Variants in UGCG observed in about 807,000 individuals in gnomAD.
UGCG encodes ceramide glucosyltransferase.
In UGCG, 10 loss-of-function variants were observed where a neutral mutation model predicts 49.5. That is an observed-to-expected ratio of 0.20 (90% CI 0.12 to 0.34). The LOEUF is 0.34. UGCG is among the 10% of genes least tolerant of loss of function. UGCG has a pLI of 1.00. For missense variants in UGCG, 312 were observed against 483.7 expected (o/e 0.65, Z 3.33); for synonymous variants, 182 against 158.2 (o/e 1.15, Z -1.13).
At chr9:111,927,513 G>A (rs1202692353) in intron 5 of UGCG, among the ~76,000 whole-genome samples, 2 of 151,392 alleles carry the variant, frequency 1.3e-5, no homozygotes, top group African/African-American at 2.4e-5. Flanking sequence ...GTGCAGTGGC[G>A]CGATCTCGGC....
At chr9:111,897,773 G>A (rs1250259264) in intron 1 of UGCG, among the ~76,000 whole-genome samples, 1 of 151,662 alleles carries the variant, frequency 6.6e-6, no homozygotes, top group Non-Finnish European at 1.5e-5. Flanking sequence ...TTCCTGGAAG[G>A]GCTCTATGCG....
chr9:111,899,285 G>GT (rs1333570556), intron 1 of UGCG, among the ~76,000 whole-genome samples: 1 of 152,216 alleles, frequency 6.6e-6, no homozygotes, highest in Non-Finnish European at 1.5e-5. Context: ...GAAATGTTAT[G>GT]TATATTCACA....
rs1187948328 is a variant in UGCG at position 111,914,674 on chromosome 9, G to T, written c.168G>T (p.Leu56=). 2 of 1,614,008 alleles carry T rather than the reference G, an allele frequency of 1.2e-6. No homozygotes were observed. Among genetic ancestry groups the T allele is most frequent in the Non-Finnish European group, 1.7e-6 (2 of 1,180,006 alleles). ...PYSKLPGVSL[L]KPLKGVDPNL... ...GCAAGCTCCCAGGTGTCTCTCTTCT[G>T]AAACCACTGAAAGGGGTAGATCCTA... The change falls in exon 2 of 9, where the codon CTG becomes CTT. Residue 56 remains leucine, a synonymous_variant. Transcript: ENST00000374279.
intron 6 of UGCG, among the ~76,000 whole-genome samples, chr9:111,929,911 C>G (rs570642250): frequency 4.6e-5 from 7 of 151,992 alleles, no homozygotes; most frequent in African/African-American, 1.7e-4. Flanking sequence ...CTCTGCCTCC[C>G]GGGTTCAGGT....
intron 1 of UGCG, among the ~76,000 whole-genome samples, chr9:111,906,359 C>A (rs12554037): frequency 0.13 from 19,335 of 152,154 alleles, 1,658 homozygotes; most frequent in East Asian, 0.34. Flanking sequence ...ATTGGCTAAA[C>A]TCCTTGATTC....
In UGCG at chr9:111,931,254, A is replaced by G. The variant is rs776629635; in HGVS notation, c.738-17A>G. On this transcript the variant is annotated splice_polypyrimidine_tract_variant and intron_variant, in intron 6 of 8. Coordinates refer to ENST00000374279, the MANE Select transcript of UGCG (RefSeq NM_003358.3). Reference sequence around the variant, plus strand: ...GTTCATCATCATAACTTATTTTCTAATTATCTTAATTTTCAGAGGTTGGAG... The same window carrying G: ...GTTCATCATCATAACTTATTTTCTAGTTATCTTAATTTTCAGAGGTTGGAG... 6.2e-7 allele frequency: 1 copy of G among 1,611,708 alleles called. No individual in the cohort carries two copies. Among genetic ancestry groups the G allele is most frequent in the South Asian group, 1.1e-5 (1 of 90,908 alleles).
intron 2 of UGCG, among the ~76,000 whole-genome samples, chr9:111,920,057 G>A (rs10759517): frequency 0.44 from 66,371 of 151,784 alleles, 15,572 homozygotes; most frequent in African/African-American, 0.62. Flanking sequence ...TCTCAGGAGG[G>A]TGGTAGAAGT....
At chr9:111,925,581 C>G (rs1398421609) in intron 4 of UGCG, among the ~76,000 whole-genome samples, 1 of 152,202 alleles carries the variant, frequency 6.6e-6, no homozygotes, top group Non-Finnish European at 1.5e-5. Flanking sequence ...CGGATGTCCC[C>G]TGTGGGGCAG....
chr9:111,909,624 G>A (rs906117062), intron 1 of UGCG, among the ~76,000 whole-genome samples: 1 of 152,256 alleles, frequency 6.6e-6, no homozygotes, highest in Non-Finnish European at 1.5e-5. Flanking sequence ...ATAATGACTA[G>A]TGTACATTCG....
chr9:111,929,778 T>A (rs1284601407), intron 6 of UGCG, 100 bp downstream of exon 6: 22 of 1,415,874 alleles, frequency 1.6e-5, no homozygotes, highest in East Asian at 2.4e-5. Context: ...AATTTAATTT[T>A]ATTTTTTTTG....
intron 1 of UGCG, among the ~76,000 whole-genome samples, chr9:111,903,760 T>C (rs1230673218): frequency 1.3e-5 from 2 of 152,130 alleles, no homozygotes; most frequent in African/African-American, 2.4e-5. Flanking sequence ...CACGCCTGGC[T>C]GATTTTTGTG....
rs562148761 is a variant in UGCG, at chr9:111,933,658, T to C, written c.*661T>C. On this transcript the variant is annotated 3_prime_UTR_variant, in exon 9 of 9. Coordinates refer to ENST00000374279, the MANE Select transcript of UGCG (RefSeq NM_003358.3). ...ATGAATCTGTGAGAGATAATTTTTT[T>C]GGTCTCACTGCAATGAACCAAAAGC... 1.3e-5 allele frequency: 2 copies of C among 152,356 alleles called. No individual in the cohort carries two copies. Among genetic ancestry groups the C allele is most frequent in the East Asian group, 1.9e-4 (1 of 5,194 alleles). 9.4% of individuals were successfully genotyped at this position (152,356 alleles called of 1,614,324 possible).
chr9:111,924,542 G>C (rs1391335078), intron 3 of UGCG, among the ~76,000 whole-genome samples: 1 of 152,014 alleles, frequency 6.6e-6, no homozygotes, highest in Admixed American at 6.6e-5. Context: ...AAGGACTTAA[G>C]AATTAGAAAA....
chr9:111,902,733 C>G (rs1466157316), intron 1 of UGCG, among the ~76,000 whole-genome samples: 1 of 151,968 alleles, frequency 6.6e-6, no homozygotes, highest in Non-Finnish European at 1.5e-5. Flanking sequence ...TGAACTTTTG[C>G]CCTTGTGGAA....
intron 2 of UGCG, among the ~76,000 whole-genome samples, chr9:111,916,394 T>C (rs1286388236): frequency 6.6e-6 from 1 of 152,186 alleles, no homozygotes; most frequent in East Asian, 1.9e-4. Context: ...TTGTAGTGCT[T>C]GTGAGATGAT....
At position 111,897,303 on chromosome 9, in the gene UGCG, A is replaced by C; in HGVS notation, c.88A>C (p.Ile30Leu). The C allele has an allele frequency of 1.9e-6, 3 of 1,556,220 alleles. No homozygotes were observed. Among genetic ancestry groups the C allele is most frequent in the South Asian group, 2.4e-5 (2 of 84,458 alleles). The change falls in exon 1 of 9, where the codon ATC becomes CTC. Residue 30 changes from isoleucine (I) to leucine (L), a missense_variant. By Grantham distance (5) the Ile-to-Leu change is conservative. Coordinates refer to ENST00000374279, the MANE Select transcript of UGCG (RefSeq NM_003358.3). ...LVLWLMHFMA[I>L]IYTRLHLNKK... ...GCTGTGGCTGATGCATTTCATGGCT[A>C]TCATCTACACGTGAGTGAGGGACCG...
At chr9:111,924,263 A>AAT (rs760905441) in intron 3 of UGCG, among the ~76,000 whole-genome samples, 3 of 151,992 alleles carry the variant, frequency 2.0e-5, no homozygotes, top group African/African-American at 7.2e-5. Context: ...GATGTTTTGA[A>AAT]ATATATATAT....
Position 111,914,761 on chromosome 9 carries a change from A to C in UGCG, c.240+15A>C. ...ATTATCCCAAAGTAAGTTCAGTGTT[A>C]CGGTTTTTTGTTTTGTTTTGTTTTG... is the stretch of plus-strand genomic sequence containing the variant. On this transcript the variant is annotated intron_variant, in intron 2 of 8. Transcript: ENST00000374279. 1 of 1,587,666 alleles carries C rather than the reference A, an allele frequency of 6.3e-7. No individual in the cohort carries two copies. Among genetic ancestry groups the C allele is most frequent in the Non-Finnish European group, 8.5e-7 (1 of 1,173,796 alleles).
rs2131708619 is a variant in UGCG, at chr9:111,896,910, G to C, written c.-306G>C. 1 of 166,698 alleles carries C rather than the reference G, an allele frequency of 6.0e-6. No homozygotes were observed. The highest frequency in any genetic ancestry group is 1.3e-5 in the Non-Finnish European group (1 of 78,408). 10.3% of individuals were successfully genotyped at this position (166,698 alleles called of 1,614,324 possible). Reference sequence around the variant, plus strand: ...GCCCGCGCGCAGGGTCTGGTGGGCGGCCGCGAGGCTCGGGAGAGGCGAACC... The same window carrying C: ...GCCCGCGCGCAGGGTCTGGTGGGCGCCCGCGAGGCTCGGGAGAGGCGAACC... On this transcript the variant is annotated 5_prime_UTR_variant, in exon 1 of 9. Coordinates refer to ENST00000374279, the MANE Select transcript of UGCG (RefSeq NM_003358.3).
Sources: gnomAD v4.1 joint callset for allele counts (sites outside exome capture counted in the v4.1 genomes callset) on GRCh38, gnomAD v4.1.1 for gene constraint, MANE v1.5 for transcripts, NCBI Gene and HGNC (gene_info 2026-07-23, HGNC 2026-07-21) for gene names.